Variants in CFAP184 observed in about 807,000 individuals in gnomAD.
CFAP184 encodes cilia and flagella associated protein 184.
chr4:7,042,448 C>T, the CFAP184 span: 3 of 1,611,292 alleles, frequency 1.9e-6, no homozygotes, highest in Non-Finnish European at 2.5e-6. Context: ...CCCCTCCACC[C>T]GCTCTGTCTC....
the CFAP184 span, chr4:7,041,044 C>A: frequency 2.1e-6 from 1 of 484,790 alleles, no homozygotes; most frequent in Non-Finnish European, 3.5e-6. Flanking sequence ...TACATTAAAT[C>A]ACCCTTTGTT....
At chr4:7,042,993 C>A in the CFAP184 span, 1 of 1,377,002 alleles carries the variant, frequency 7.3e-7, no homozygotes, top group Admixed American at 2.8e-5. Flanking sequence ...TTAGGTTTCC[C>A]GGGGCAACAG....
At chr4:7,041,360 A>G in the CFAP184 span, 1 of 1,614,174 alleles carries the variant, frequency 6.2e-7, no homozygotes, top group Non-Finnish European at 8.5e-7. Flanking sequence ...CGCTTCAGGG[A>G]TTCCAGGCGC....
chr4:7,041,170 C>T, the CFAP184 span: 15 of 1,478,052 alleles, frequency 1.0e-5, no homozygotes, highest in Admixed American at 1.9e-4. Context: ...AGAGTCCCGT[C>T]CCAAATGACA....
the CFAP184 span, chr4:7,042,514 GCC>G: frequency 6.2e-7 from 1 of 1,605,426 alleles, no homozygotes; most frequent in Non-Finnish European, 8.5e-7. Context: ...CGGCAGAGAG[GCC>G]TGGAACCTGA....
the CFAP184 span, chr4:7,041,805 C>A: frequency 6.2e-7 from 1 of 1,611,340 alleles, no homozygotes; most frequent in Non-Finnish European, 8.5e-7. Context: ...GCTGAATGTT[C>A]TCCAGCCGCA....
At chr4:7,042,903 G>A in the CFAP184 span, 8 of 1,549,586 alleles carry the variant, frequency 5.2e-6, no homozygotes, top group East Asian at 1.7e-4. Context: ...CGCCTTCCCC[G>A]CCGGGGTCCT....
At chr4:7,042,227 C>T in the CFAP184 span, 1 of 1,598,278 alleles carries the variant, frequency 6.3e-7, no homozygotes, top group South Asian at 1.1e-5. Context: ...CGGTTCCGCT[C>T]CACCAGCAGG....
the CFAP184 span, chr4:7,041,982 C>G: frequency 6.2e-7 from 1 of 1,612,490 alleles, no homozygotes; most frequent in South Asian, 1.1e-5. Flanking sequence ...CCCTGGTGAG[C>G]TTCTCCTGGC....
chr4:7,041,807 C>G, the CFAP184 span: 1 of 1,611,228 alleles, frequency 6.2e-7, no homozygotes, highest in Non-Finnish European at 8.5e-7. Context: ...TGAATGTTCT[C>G]CAGCCGCACG....
the CFAP184 span, chr4:7,042,743 G>T: frequency 6.6e-7 from 1 of 1,524,786 alleles, no homozygotes. Context: ...GCCTCGGCCT[G>T]CTCGTCCGCG....
At chr4:7,042,294 C>T in the CFAP184 span, 24 of 1,588,048 alleles carry the variant, frequency 1.5e-5, no homozygotes, top group Middle Eastern at 1.7e-4. Context: ...GCTTCTGGAC[C>T]TCCTCGGACC....
At chr4:7,041,577 G>A in the CFAP184 span, 2 of 1,614,220 alleles carry the variant, frequency 1.2e-6, no homozygotes, top group East Asian at 4.5e-5. Flanking sequence ...CGTTCTCCAT[G>A]TCCATGAAGT....
chr4:7,041,799 A>T, the CFAP184 span: 1 of 1,611,526 alleles, frequency 6.2e-7, no homozygotes, highest in Admixed American at 1.7e-5. Flanking sequence ...GCTTCAGCTG[A>T]ATGTTCTCCA....
chr4:7,041,340 A>G, the CFAP184 span: 10 of 1,614,202 alleles, frequency 6.2e-6, no homozygotes, highest in Non-Finnish European at 8.5e-6. Flanking sequence ...AAGTGAGGCT[A>G]GCGTGGTGGC....
the CFAP184 span, chr4:7,042,449 G>A: frequency 3.7e-6 from 6 of 1,610,950 alleles, no homozygotes; most frequent in East Asian, 6.7e-5. Context: ...CCCTCCACCC[G>A]CTCTGTCTCG....
the CFAP184 span, chr4:7,042,062 C>T: frequency 6.2e-7 from 1 of 1,610,976 alleles, no homozygotes; most frequent in Non-Finnish European, 8.5e-7. Flanking sequence ...TTCTTCAGCT[C>T]CTCCAGCATG....
At chr4:7,041,450 G>C in the CFAP184 span, 1 of 1,614,224 alleles carries the variant, frequency 6.2e-7, no homozygotes, top group Non-Finnish European at 8.5e-7. Context: ...CCGCACTTCT[G>C]ATTCAGTCTG....
At chr4:7,042,971 G>T in the CFAP184 span, 1 of 1,399,798 alleles carries the variant, frequency 7.1e-7, no homozygotes, top group Non-Finnish European at 9.3e-7. Flanking sequence ...AGCGGACCCC[G>T]GCAGGACGCT....
Sources: allele counts gnomAD v4.1 joint callset, GRCh38; gene constraint gnomAD v4.1.1; transcripts MANE v1.5; gene names NCBI Gene and HGNC (gene_info 2026-07-23, HGNC 2026-07-21).